The following DAPK2 variants were observed in gnomAD, a reference collection of about 807,000 sequenced individuals.
DAPK2 encodes death associated protein kinase 2.
A neutral mutation model predicts 44.1 loss-of-function variants in DAPK2; 35 were observed. The ratio of observed to expected loss-of-function variants is 0.79; its 90% CI spans 0.61 to 1.05. The LOEUF (loss-of-function observed/expected upper bound fraction) is 1.05, where lower values mean the gene tolerates loss of function less well. Among genes scored for constraint, DAPK2 ranks in the 50% least tolerant of loss-of-function variants. The pLI, the probability that DAPK2 is intolerant of heterozygous loss-of-function variation, is 0.00. For missense variants in DAPK2, 453 were observed against 483.2 expected, an observed-to-expected ratio of 0.94 and a Z score of 0.59; for synonymous variants, 174 against 182.6, an observed-to-expected ratio of 0.95 and a Z score of 0.38.
In DAPK2 at chr15:64,046,030, C is replaced by T. The variant is rs1214991892; in HGVS notation, c.-7+268G>A. On this transcript the variant is annotated intron_variant, in intron 1 of 11. Transcript: ENST00000457488. This position sits in a 1 kb window ranked among gnomAD's most constrained non-coding sequence, Gnocchi z 5.3. ...CTGTCTCCCATCTCCCTGCTGGGTG[C>T]TTGGCTCTGCCCGCCGCCTCTACCC... Among the ~76,000 whole-genome samples, 3 of 152,222 alleles carry T rather than the reference C, an allele frequency of 2.0e-5. No homozygotes were observed. Among genetic ancestry groups the T allele is most frequent in the Non-Finnish European group, 4.4e-5 (3 of 68,024 alleles).
intron 1 of DAPK2, among the ~76,000 whole-genome samples, chr15:64,006,778 GCCTCATGTGTCAGACAACTCAT>G (rs1282429979): frequency 6.6e-6 from 1 of 152,130 alleles, no homozygotes; most frequent in Non-Finnish European, 1.5e-5. Flanking sequence ...TTCTCACCCT[GCCTCATGTGTCAGACAACTCAT>G]CCTTGGTGCC....
At chr15:63,933,625 G>T (rs13380034) in intron 4 of DAPK2, among the ~76,000 whole-genome samples, 1 of 141,512 alleles carries the variant, frequency 7.1e-6, no homozygotes, top group Non-Finnish European at 1.5e-5. Flanking sequence ...TTGAGACAGG[G>T]TCTTGCTTAG....
At chr15:63,946,193 C>T (rs1327271094) in intron 3 of DAPK2, among the ~76,000 whole-genome samples, 3 of 152,258 alleles carry the variant, frequency 2.0e-5, no homozygotes, top group African/African-American at 4.8e-5. Flanking sequence ...GAGAGGCCAA[C>T]GTGCTCCTTT....
chr15:63,986,953 C>T (rs1595857851), intron 1 of DAPK2, among the ~76,000 whole-genome samples: 1 of 152,150 alleles, frequency 6.6e-6, no homozygotes, highest in South Asian at 2.1e-4. Context: ...ATTACACTTC[C>T]CCATAGTTCT....
chr15:63,956,721 G>A (rs1415821147), intron 3 of DAPK2, among the ~76,000 whole-genome samples: 1 of 151,972 alleles, frequency 6.6e-6, no homozygotes, highest in Non-Finnish European at 1.5e-5. Context: ...CAAGTAGCTG[G>A]GACTACAGGC....
rs183452451 is a variant in DAPK2, at chr15:63,978,052, C to G, written c.314+5481G>C. Among the ~76,000 whole-genome samples the G allele has an allele frequency of 2.5e-4, 38 of 152,288 alleles. 1 individual carries two copies. The highest frequency in any genetic ancestry group is 8.9e-4 in the African/African-American group (37 of 41,558). On this transcript the variant is annotated intron_variant, in intron 2 of 10. Transcript: ENST00000261891. ...CTCCCCAGCTATATTATTTTTGCTTCCACAGCACCTAGTGCAAGAAAGACA... is the reference window on the plus strand; with the variant it reads ...CTCCCCAGCTATATTATTTTTGCTTGCACAGCACCTAGTGCAAGAAAGACA...
At chr15:64,025,637 A>G (rs2079818290) in intron 1 of DAPK2, among the ~76,000 whole-genome samples, 1 of 152,250 alleles carries the variant, frequency 6.6e-6, no homozygotes, top group Non-Finnish European at 1.5e-5. Flanking sequence ...TCTACAAAGG[A>G]CCAGATGGTA....
At chr15:63,941,261 C>T (rs1343720802) in intron 3 of DAPK2, among the ~76,000 whole-genome samples, 1 of 152,174 alleles carries the variant, frequency 6.6e-6, no homozygotes, top group East Asian at 1.9e-4. Context: ...CAACCCTGAG[C>T]ACCCTCCACC....
At chr15:64,002,953 T>C (rs2079124624) in intron 1 of DAPK2, among the ~76,000 whole-genome samples, 1 of 126,936 alleles carries the variant, frequency 7.9e-6, no homozygotes, top group Non-Finnish European at 1.7e-5. Flanking sequence ...TGTGTGTGTG[T>C]GTGTGTGTGT....
chr15:63,956,926 G>C (rs2077740543), intron 3 of DAPK2, among the ~76,000 whole-genome samples: 1 of 152,146 alleles, frequency 6.6e-6, no homozygotes, highest in Non-Finnish European at 1.5e-5. Flanking sequence ...CTAACATATG[G>C]TCCATGCTTG....
chr15:64,009,406 C>T (rs2079325465), intron 1 of DAPK2, among the ~76,000 whole-genome samples: 1 of 152,152 alleles, frequency 6.6e-6, no homozygotes, highest in Admixed American at 6.6e-5. Context: ...ATGTTCTCTG[C>T]TCAAGATTAT....
intron 1 of DAPK2, among the ~76,000 whole-genome samples, chr15:64,017,111 A>G (rs1049512076): frequency 7.2e-5 from 11 of 152,044 alleles, no homozygotes; most frequent in African/African-American, 2.7e-4. Context: ...AGTTCTAGGG[A>G]CCTACTGTGT....
At chr15:63,997,829 A>C (rs1434201813) in intron 1 of DAPK2, among the ~76,000 whole-genome samples, 3 of 152,184 alleles carry the variant, frequency 2.0e-5, no homozygotes, top group South Asian at 4.1e-4. Context: ...ACTCCAAGAT[A>C]ACTCCAGTCC....
chr15:64,028,989 G>A (rs900514146), intron 1 of DAPK2, among the ~76,000 whole-genome samples: 9 of 151,972 alleles, frequency 5.9e-5, no homozygotes, highest in African/African-American at 2.4e-5. Flanking sequence ...CTGGATATGT[G>A]GAAAGGTACA....
intron 3 of DAPK2, among the ~76,000 whole-genome samples, chr15:63,942,846 G>A (rs369312471): frequency 1.3e-5 from 2 of 151,978 alleles, no homozygotes; most frequent in African/African-American, 2.4e-5. Flanking sequence ...TGTAATACCC[G>A]AACACAGTGC....
At chr15:63,974,346 G>A (rs1462635414) in intron 2 of DAPK2, among the ~76,000 whole-genome samples, 2 of 152,188 alleles carry the variant, frequency 1.3e-5, no homozygotes, top group Non-Finnish European at 2.9e-5. Context: ...AGGTAGTTGG[G>A]TAACAGCTTG....
rs560923088 is a variant in DAPK2, at chr15:63,999,881, T to C, written c.93-16127A>G. Among the ~76,000 whole-genome samples the C allele has an allele frequency of 5.3e-5, 8 of 152,106 alleles. No homozygotes were observed. The South Asian group carries it at 1.5e-3, about 28-fold the overall frequency. On this transcript the variant is annotated intron_variant, in intron 1 of 10. Coordinates refer to ENST00000261891, the Ensembl canonical transcript of DAPK2. ...CCTCGGCTGAAGCTCTCCTCCTACC[T>C]CAGCCTCCTGAGTAGGTAAAACCAC...
chr15:63,930,519 G>C, intron 4 of DAPK2, 64 bp from the exon 6 acceptor site: 1 of 1,501,646 alleles, frequency 6.7e-7, no homozygotes, highest in Non-Finnish European at 9.3e-7. Context: ...TGGTTTTAGG[G>C]AATTTTAGGG....
chr15:63,975,050 C>T (rs367864398), intron 2 of DAPK2, among the ~76,000 whole-genome samples: 4 of 152,176 alleles, frequency 2.6e-5, no homozygotes, highest in African/African-American at 9.7e-5. Context: ...ATCTCCTTGG[C>T]TGAGAGAGGG....
Sources: allele counts gnomAD v4.1 joint callset (sites outside exome capture counted in the v4.1 genomes callset), GRCh38; gene constraint gnomAD v4.1.1; non-coding constraint Gnocchi (gnomAD v3.1); transcripts MANE v1.5; gene names NCBI Gene and HGNC (gene_info 2026-07-23, HGNC 2026-07-21).